The following ZNF667 variants were observed in gnomAD, a reference collection of about 807,000 sequenced individuals.
The protein encoded by ZNF667 is myocardial ischemic preconditioning upregulated 1 ortholog.
ZNF667 carries 13 observed loss-of-function variants against 31.8 expected under a neutral mutation model. The ratio of observed to expected loss-of-function variants is 0.41; its 90% CI spans 0.27 to 0.65. The LOEUF (loss-of-function observed/expected upper bound fraction) is 0.65. Among genes scored for constraint, ZNF667 ranks in the 30% least tolerant of loss-of-function variants. The pLI is 0.32. For synonymous variants in ZNF667, 228 were observed against 247.1 expected, an observed-to-expected ratio of 0.92 and a Z score of 0.73; for missense variants, 642 against 725.6, an observed-to-expected ratio of 0.88 and a Z score of 1.32.
intron 3 of ZNF667, among the ~76,000 whole-genome samples, chr19:56,464,846 A>C (rs1306826519): frequency 6.6e-6 from 1 of 152,072 alleles, no homozygotes; most frequent in Admixed American, 6.6e-5. Context: ...TTGTTGACTA[A>C]CTCAACCAGA....
Position 56,460,814 on chromosome 19 carries a change from G to A in ZNF667, c.35C>T (p.Ala12Val). 1 of 1,586,002 alleles carries A rather than the reference G, an allele frequency of 6.3e-7. No homozygotes were observed. The highest frequency in any genetic ancestry group is 8.6e-7 in the Non-Finnish European group (1 of 1,168,062). Residue 12 changes from alanine (A) to valine (V), a missense_variant and splice_region_variant, in exon 5 of 7, where the codon GCA (alanine) becomes GTA (valine). By Grantham distance (64) the Ala-to-Val change is moderately conservative. Transcript: ENST00000504904. The stretch of plus-strand genomic sequence containing the variant: ...GGCTAAGTCCCCAAATGTTATAGGT[G>A]CCTGAAATGAAAAATCAAATGTCTA... The part of the protein sequence containing the change: ...PSARGKSKSK[A>V]PITFGDLAIY...
chr19:56,476,688 T>A (rs866093232), intron 1 of ZNF667, among the ~76,000 whole-genome samples: 48 of 152,290 alleles, frequency 3.2e-4, no homozygotes, highest in Middle Eastern at 6.8e-3. Context: ...CTGCTAAGAA[T>A]TCTTCCCCTG....
intron 3 of ZNF667, chr19:56,468,843 C>T (rs949506433): frequency 6.6e-6 from 1 of 152,168 alleles, no homozygotes; most frequent in African/African-American, 2.4e-5. Flanking sequence ...CAGAGTCAGA[C>T]AGAAAAAGAA....
chr19:56,441,638 C>A lies in ZNF667; in HGVS notation c.1357G>T (p.Gly453Cys). ...TGTTCAATAAGAAATGATTGGCGGC[C>A]GAAAACTTTACTACATTTATTGCAT... ...FKCNKCSKVFGRQSFLIEHQR... is the reference protein window; with the variant it reads ...FKCNKCSKVFCRQSFLIEHQR... Residue 453 changes from glycine (G) to cysteine (C), a missense_variant, in exon 7 of 7, where the codon GGC becomes TGC. Coordinates refer to ENST00000504904, the MANE Select transcript of ZNF667 (RefSeq NM_001321356.2). The surrounding 1 kb of genome is among the most constrained non-coding windows in gnomAD (Gnocchi z 4.2). 6.2e-7 allele frequency: 1 copy of A among 1,613,880 alleles called. No homozygotes were observed. Among genetic ancestry groups the A allele is most frequent in the Admixed American group, 1.7e-5 (1 of 59,992 alleles).
At position 56,441,967 on chromosome 19, in the gene ZNF667, G is replaced by A. The variant is rs774142912; in HGVS notation, c.1028C>T (p.Ser343Leu). 4 of 1,613,914 alleles carry A rather than the reference G, an allele frequency of 2.5e-6. No individual in the cohort carries two copies. The East Asian group carries it at 8.9e-5, about 36-fold the overall frequency. ...AATTCTCTGGTGAAGCATCAGGGGT[G>A]AAATCCTATTAAATAATTTCCCACA... is the stretch of plus-strand genomic sequence containing the variant. ...RKCGKLFNRISPLMLHQRIHT... is the reference protein window; with the variant it reads ...RKCGKLFNRILPLMLHQRIHT... Residue 343 changes from serine (S) to leucine (L), a missense_variant, in exon 7 of 7, where the codon TCA (serine) becomes TTA (leucine). Physicochemically the swap from Ser to Leu is moderately radical, Grantham distance 145. Coordinates refer to ENST00000504904, the MANE Select transcript of ZNF667 (RefSeq NM_001321356.2). This position sits in a 1 kb window ranked among gnomAD's most constrained non-coding sequence, Gnocchi z 4.2.
In ZNF667 at chr19:56,460,944, C is replaced by T; in HGVS notation, c.34-129G>A. ...AATCATTCAGGAAGCATTCAGGGTT[C>T]TGAGGCCAAAAGGGGCAGGTGTATT... On this transcript the variant is annotated intron_variant, in intron 4 of 6. Coordinates refer to ENST00000504904, the MANE Select transcript of ZNF667 (RefSeq NM_001321356.2). 3.5e-6 allele frequency: 3 copies of T among 860,060 alleles called. No individual in the cohort carries two copies. In the South Asian group the frequency reaches 8.3e-5, roughly 24 times the overall value. 53.3% of individuals were successfully genotyped at this position (860,060 alleles called of 1,614,324 possible).
intron 1 of ZNF667, chr19:56,475,384 C>T (rs533183536): frequency 6.6e-6 from 1 of 152,454 alleles, no homozygotes; most frequent in Non-Finnish European, 1.5e-5. Flanking sequence ...CTCCGTGCCC[C>T]GCCTTCCCCA....
intron 3 of ZNF667, among the ~76,000 whole-genome samples, chr19:56,469,609 C>T (rs1466332939): frequency 6.6e-6 from 1 of 152,198 alleles, no homozygotes; most frequent in Non-Finnish European, 1.5e-5. Context: ...CTGCTCAAAC[C>T]TCACCTTCTC....
intron 5 of ZNF667, among the ~76,000 whole-genome samples, chr19:56,459,151 T>G (rs2042993018): frequency 6.6e-6 from 1 of 152,186 alleles, no homozygotes; most frequent in African/African-American, 2.4e-5. Context: ...GAGTGTGCGG[T>G]GTTGAGTTTG....
At position 56,458,191 on chromosome 19, in the gene ZNF667, A is replaced by T. The variant is rs2042972692; in HGVS notation, c.217T>A (p.Trp73Arg). The T allele has an allele frequency of 6.2e-7, 1 of 1,614,092 alleles. No homozygotes were observed. The highest frequency in any genetic ancestry group is 8.5e-7 in the Non-Finnish European group (1 of 1,180,048). The change falls in exon 6 of 7, where the codon TGG (tryptophan) becomes AGG (arginine). Residue 73 changes from tryptophan (W) to arginine (R), a missense_variant. Transcript: ENST00000504904. ...CGTCTTCTTACTGGCTCTACCATCC[A>T]GGGTGCTTTCCCTTTCTCCAATAAG... ...ITLLEKGKAP[W>R]MVEPVRRRRA...
chr19:56,448,089 A>G (rs1245259566), intron 6 of ZNF667, among the ~76,000 whole-genome samples: 3 of 152,156 alleles, frequency 2.0e-5, no homozygotes, highest in Non-Finnish European at 4.4e-5. Context: ...AGGAGGGTAG[A>G]AAAGACAGTC....
chr19:56,475,158 A>T (rs2043375477), intron 1 of ZNF667: 1 of 152,204 alleles, frequency 6.6e-6, no homozygotes, highest in Non-Finnish European at 1.5e-5. Context: ...TTTACTTTTC[A>T]AAGTACCTAT....
At chr19:56,460,021 C>T (rs1159374643) in intron 5 of ZNF667, among the ~76,000 whole-genome samples, 1 of 151,972 alleles carries the variant, frequency 6.6e-6, no homozygotes, top group Non-Finnish European at 1.5e-5. Flanking sequence ...CAAAAGAATT[C>T]AAGAGTTACC....
At chr19:56,444,547 A>G (rs1483978481) in intron 6 of ZNF667, among the ~76,000 whole-genome samples, 3 of 145,876 alleles carry the variant, frequency 2.1e-5, no homozygotes, top group African/African-American at 7.8e-5. Flanking sequence ...CCATGATCCA[A>G]TCACCTCCCA....
Position 56,442,250 on chromosome 19 carries a change from C to G in ZNF667, c.745G>C (p.Val249Leu). The G allele has an allele frequency of 6.2e-7, 1 of 1,614,158 alleles. No individual in the cohort carries two copies. Among genetic ancestry groups the G allele is most frequent in the Non-Finnish European group, 8.5e-7 (1 of 1,180,008 alleles). ...TTTCTGCACTGGCAGACATTCCCAA[C>G]AACATGAATTTTCTGATGTATATTG... ...SFNIHQKIHV[V>L]GNVCQCRKCG... Residue 249 changes from valine (V) to leucine (L), a missense_variant, in exon 7 of 7, where the codon GTT becomes CTT. Physicochemically the swap from Val to Leu is conservative, Grantham distance 32. Transcript: ENST00000504904.
In ZNF667 at chr19:56,439,500, T is replaced by C. The variant is rs1460834882; in HGVS notation, c.*1662A>G. ...GCTGCCATAACAAAACATCATAGACTGGGTGGCTTAAACAACAATTTACTT... is the reference window on the plus strand; with the variant it reads ...GCTGCCATAACAAAACATCATAGACCGGGTGGCTTAAACAACAATTTACTT... On this transcript the variant is annotated 3_prime_UTR_variant, in exon 7 of 7. Coordinates refer to ENST00000504904, the MANE Select transcript of ZNF667 (RefSeq NM_001321356.2). 1 of 152,258 alleles carries C rather than the reference T, an allele frequency of 6.6e-6. No individual in the cohort carries two copies. Among genetic ancestry groups the C allele is most frequent in the Non-Finnish European group, 1.5e-5 (1 of 68,052 alleles). The allele number at this position is 152,258 out of a possible 1,614,324, so 9.4% of individuals were successfully genotyped here. A position where few individuals can be genotyped will look rare whatever the true frequency, so the allele number is the denominator to read the frequency against.
chr19:56,465,534 C>A (rs1218774131), intron 3 of ZNF667, among the ~76,000 whole-genome samples: 2 of 152,226 alleles, frequency 1.3e-5, no homozygotes, highest in Middle Eastern at 3.2e-3. Flanking sequence ...TGAGGATTAT[C>A]ATTTCAATTC....
rs1240743718 is a variant in ZNF667 at position 56,477,264 on chromosome 19, C to G, written c.-662+8G>C. On this transcript the variant is annotated splice_region_variant and intron_variant, in intron 1 of 6. Coordinates refer to ENST00000504904, the MANE Select transcript of ZNF667 (RefSeq NM_001321356.2). Reference sequence around the variant, plus strand: ...CAGACACACCCACACTCTCGCCAGCCCCCTTACCTCGGTCTTCCCGGGCTC... The same window carrying G: ...CAGACACACCCACACTCTCGCCAGCGCCCTTACCTCGGTCTTCCCGGGCTC... The G allele has an allele frequency of 1.3e-5, 2 of 152,112 alleles. No homozygotes were observed. The highest frequency in any genetic ancestry group is 2.9e-5 in the Non-Finnish European group (2 of 67,992). The allele number at this position is 152,112 out of a possible 1,614,324, so 9.4% of individuals were successfully genotyped here.
intron 6 of ZNF667, among the ~76,000 whole-genome samples, chr19:56,455,838 TTA>T (rs2042919995): frequency 1.3e-5 from 2 of 152,240 alleles, no homozygotes; most frequent in Admixed American, 6.5e-5. Flanking sequence ...GATGTGATTC[TTA>T]CACACTATAT....
Sources: allele counts gnomAD v4.1 joint callset (sites outside exome capture counted in the v4.1 genomes callset), GRCh38; gene constraint gnomAD v4.1.1; non-coding constraint Gnocchi (gnomAD v3.1); transcripts MANE v1.5; gene names NCBI Gene and HGNC (gene_info 2026-07-23, HGNC 2026-07-21).